Variants in ACOT1 observed in about 807,000 individuals in gnomAD.
ACOT1 encodes the protein acyl-coenzyme A thioesterase 1.
Under a neutral mutation model 15.7 loss-of-function variants are expected in ACOT1, and 8 were observed. The ratio of observed to expected loss-of-function variants is 0.51; its 90% CI spans 0.30 to 0.92. ACOT1 has a LOEUF of 0.92. ACOT1 is among the 40% of genes least tolerant of loss of function. ACOT1 has a pLI of 0.06. For synonymous variants in ACOT1, 67 were observed against 241.2 expected (o/e 0.28, Z 6.69); for missense variants, 151 against 539.4 (o/e 0.28, Z 7.13).
At chr14:73,507,760 T>C in the ACOT1 span, among the ~76,000 whole-genome samples, 1 of 152,050 alleles carries the variant, frequency 6.6e-6, no homozygotes, top group Non-Finnish European at 1.5e-5. Context: ...TTTATTTGTT[T>C]GAGACAGAGT....
the ACOT1 span, chr14:73,530,370 CACAAT>C: frequency 7.4e-6 from 1 of 134,730 alleles, no homozygotes; most frequent in Non-Finnish European, 1.6e-5. Context: ...AGGTTTAATA[CACAAT>C]ACATTTAAAG....
the ACOT1 span, chr14:73,491,324 G>C: frequency 6.7e-7 from 1 of 1,499,226 alleles, no homozygotes; most frequent in Non-Finnish European, 8.9e-7. Flanking sequence ...CCTGGGGCCC[G>C]CAGAGCTGCT....
At chr14:73,521,305 G>A in the ACOT1 span, among the ~76,000 whole-genome samples, 2 of 152,256 alleles carry the variant, frequency 1.3e-5, no homozygotes, top group Middle Eastern at 3.4e-3. Flanking sequence ...GGGCAGAGTG[G>A]CGGTGCTCCA....
At chr14:73,520,799 C>T in the ACOT1 span, 1 of 1,507,828 alleles carries the variant, frequency 6.6e-7, no homozygotes, top group Non-Finnish European at 9.1e-7. Context: ...AATCTTCCAC[C>T]TTCCTGGCCC....
At chr14:73,524,310 A>AAAAAAAAATATATATAT in the ACOT1 span, among the ~76,000 whole-genome samples, 3 of 54,776 alleles carry the variant, frequency 5.5e-5, no homozygotes, top group South Asian at 7.9e-4. Flanking sequence ...AAAAAAAAAA[A>AAAAAAAAATATATATAT]ATATATATAT....
chr14:73,509,442 T>C, the ACOT1 span: 1 of 1,614,056 alleles, frequency 6.2e-7, no homozygotes, highest in Non-Finnish European at 8.5e-7. Context: ...GGGCAGGCAG[T>C]AGAACCTCCG....
chr14:73,501,793 G>A, the ACOT1 span, among the ~76,000 whole-genome samples: 244 of 151,234 alleles, frequency 1.6e-3, 1 homozygote, highest in African/African-American at 5.7e-3. Flanking sequence ...TCACTCTGTC[G>A]CCCAGGCTGG....
At position 73,541,023 on chromosome 14, in the gene ACOT1, T is replaced by A. The variant is rs1463536204; in HGVS notation, c.458-470T>A. Among the ~76,000 whole-genome samples, 3 of 115,254 alleles carry A rather than the reference T, an allele frequency of 2.6e-5. 1 individual carries two copies. Among genetic ancestry groups the A allele is most frequent in the Non-Finnish European group, 5.7e-5 (3 of 52,996 alleles). 75.6% of individuals were successfully genotyped at this position (115,254 alleles called of 152,430 possible). A position where few individuals can be genotyped will look rare whatever the true frequency, so the allele number is the denominator to read the frequency against. On this transcript the variant is annotated intron_variant, in intron 1 of 2. Transcript: ENST00000311148. The stretch of plus-strand genomic sequence containing the variant: ...TCCCAAAGTGCTGGGATTACAGGCG[T>A]GAGCCACCAGACCCAGCCTGCATTA...
At chr14:73,497,734 C>G in the ACOT1 span, among the ~76,000 whole-genome samples, 1 of 152,130 alleles carries the variant, frequency 6.6e-6, no homozygotes, top group Non-Finnish European at 1.5e-5. Context: ...TCAAGTGATT[C>G]TCCTGCCTCA....
chr14:73,525,922 C>T, the ACOT1 span, among the ~76,000 whole-genome samples: 3,909 of 150,466 alleles, frequency 0.026, 172 homozygotes, highest in African/African-American at 0.091. Context: ...CACTGCGCTC[C>T]AGCCTGGGTG....
the ACOT1 span, among the ~76,000 whole-genome samples, chr14:73,495,803 T>C: frequency 6.6e-6 from 1 of 152,142 alleles, no homozygotes; most frequent in Non-Finnish European, 1.5e-5. Flanking sequence ...TCCCCTCTAT[T>C]CCTTCATCTT....
the ACOT1 span, chr14:73,490,993 C>T: frequency 5.1e-5 from 69 of 1,348,166 alleles, 1 homozygote; most frequent in Middle Eastern, 2.6e-4. Flanking sequence ...GCCGGCCGGG[C>T]GGGGAAGACT....
At chr14:73,522,926 T>A in the ACOT1 span, 1 of 1,614,144 alleles carries the variant, frequency 6.2e-7, no homozygotes, top group South Asian at 1.1e-5. Context: ...CCACACCACC[T>A]CCTGAGAGAA....
the ACOT1 span, chr14:73,518,979 T>G: frequency 6.4e-7 from 1 of 1,574,770 alleles, no homozygotes. Flanking sequence ...AGTAGCCACA[T>G]TCCCGTTATT....
At chr14:73,519,260 G>A in the ACOT1 span, 1 of 1,297,600 alleles carries the variant, frequency 7.7e-7, no homozygotes, top group Non-Finnish European at 1.1e-6. Flanking sequence ...ACTTCCTTTT[G>A]CCCTAATCTA....
the ACOT1 span, among the ~76,000 whole-genome samples, chr14:73,503,390 G>T: frequency 5.9e-5 from 9 of 152,304 alleles, no homozygotes; most frequent in South Asian, 1.9e-3. Context: ...GTTTGCCTGG[G>T]ACTCTCCTGG....
the ACOT1 span, among the ~76,000 whole-genome samples, chr14:73,499,619 T>C: frequency 6.6e-6 from 1 of 152,210 alleles, no homozygotes; most frequent in East Asian, 1.9e-4. Context: ...CCAACCTATA[T>C]GCATAGTGAG....
intron 1 of ACOT1, among the ~76,000 whole-genome samples, chr14:73,540,152 T>A (rs1185846547): frequency 8.7e-5 from 1 of 11,458 alleles, no homozygotes; most frequent in South Asian, 2.5e-3. Context: ...CTAGAAGGAG[T>A]CAACATATTC....
the ACOT1 span, among the ~76,000 whole-genome samples, chr14:73,496,057 G>A: frequency 1.3e-5 from 2 of 151,744 alleles, no homozygotes; most frequent in South Asian, 4.2e-4. Flanking sequence ...TTGAACCCAG[G>A]AGGTGGAGGT....
Sources: allele counts gnomAD v4.1 joint callset (sites outside exome capture counted in the v4.1 genomes callset), GRCh38; gene constraint gnomAD v4.1.1; transcripts MANE v1.5; gene names NCBI Gene and HGNC (gene_info 2026-07-23, HGNC 2026-07-21).